The following EDARADD variants were observed in gnomAD, a reference collection of about 807,000 sequenced individuals.
EDARADD encodes EDAR associated via death domain.
A neutral mutation model predicts 25.6 loss-of-function variants in EDARADD; 20 were observed. The observed-to-expected ratio is 0.78, with a 90% CI of 0.55 to 1.14. The LOEUF (loss-of-function observed/expected upper bound fraction) is 1.14. Among genes scored for constraint, EDARADD ranks in the 50% most tolerant of loss-of-function variants. EDARADD has a pLI of 0.00. For missense variants in EDARADD, 225 were observed against 270.1 expected (o/e 0.83, Z 1.17); for synonymous variants, 86 against 94.4 (o/e 0.91, Z 0.52).
At chr1:236,377,821 G>A (rs1326067844) in intron 3 of EDARADD, among the ~76,000 whole-genome samples, 3 of 151,730 alleles carry the variant, frequency 2.0e-5, no homozygotes, top group East Asian at 1.9e-4. Context: ...TCGTGCCACT[G>A]CACTCCAGCC....
intron 3 of EDARADD, among the ~76,000 whole-genome samples, chr1:236,359,153 G>A (rs919581007): frequency 9.9e-5 from 15 of 152,064 alleles, no homozygotes; most frequent in Admixed American, 9.8e-4. Flanking sequence ...GTCCTACTAG[G>A]ATCCCTTTCC....
At chr1:236,482,102 G>A (rs1422954855) in intron 5 of EDARADD, among the ~76,000 whole-genome samples, 165 bp from the exon 6 acceptor site, 3 of 142,796 alleles carry the variant, frequency 2.1e-5, no homozygotes, top group Admixed American at 7.1e-5. Context: ...GCGAAAGAGC[G>A]AGACTCCATC....
chr1:236,483,351 T>C lies in EDARADD; in HGVS notation c.*702T>C, dbSNP rs1659735542. 1 of 1,567,188 alleles carries C rather than the reference T, an allele frequency of 6.4e-7. No homozygotes were observed. The highest frequency in any genetic ancestry group is 8.8e-7 in the Non-Finnish European group (1 of 1,140,292). On this transcript the variant is annotated 3_prime_UTR_variant, in exon 6 of 6. Coordinates refer to ENST00000334232, the MANE Select transcript of EDARADD (RefSeq NM_145861.4). ...GACTCGCTATATGGGGAAGGGTGTCTCAAAGCCTGTTGAGCCCATCAATAA... is the reference window on the plus strand; with the variant it reads ...GACTCGCTATATGGGGAAGGGTGTCCCAAAGCCTGTTGAGCCCATCAATAA...
intron 2 of EDARADD, among the ~76,000 whole-genome samples, chr1:236,411,447 C>T (rs1272860): frequency 0.45 from 68,809 of 151,876 alleles, 17,721 homozygotes; most frequent in Non-Finnish European, 0.59. Context: ...TTCTCTCACT[C>T]GTTAGCACAT....
Position 236,482,581 on chromosome 1 carries a change from G to A in EDARADD, c.580G>A (p.Val194Ile), listed in dbSNP as rs928145231. ...RLYHRADVEKVLRRWVDEEWP... is the reference protein window; with the variant it reads ...RLYHRADVEKILRRWVDEEWP... ...CTACCACAGGGCCGACGTGGAGAAG[G>A]TTCTGCGCAGGTGGGTGGACGAGGA... is the stretch of plus-strand genomic sequence containing the variant. The change falls in exon 6 of 6, where the codon GTT (valine) becomes ATT (isoleucine). Residue 194 changes from valine to isoleucine, a missense_variant. Transcript: ENST00000334232. 1 of 1,613,334 alleles carries A rather than the reference G, an allele frequency of 6.2e-7. No homozygotes were observed.
Position 236,395,527 on chromosome 1 carries a change from G to T in EDARADD, c.61+1022G>T. On this transcript the variant is annotated intron_variant, in intron 1 of 5. Transcript: ENST00000334232. This position sits in a 1 kb window ranked among gnomAD's most constrained non-coding sequence, Gnocchi z 6.9. Reference sequence around the variant, plus strand: ...CAGAGCCACGGTTTGCTCCAGGCGCGTCGGAACCGCAGGACTTTTCATCCC... The same window carrying T: ...CAGAGCCACGGTTTGCTCCAGGCGCTTCGGAACCGCAGGACTTTTCATCCC... The T allele has an allele frequency of 6.5e-7, 1 of 1,535,422 alleles. No homozygotes were observed. Among genetic ancestry groups the T allele is most frequent in the African/African-American group, 1.4e-5 (1 of 72,842 alleles).
Position 236,484,240 on chromosome 1 carries a change from T to A in EDARADD, c.*1591T>A. The A allele has an allele frequency of 1.0e-6, 1 of 974,352 alleles. No homozygotes were observed. The highest frequency in any genetic ancestry group is 1.7e-6 in the Non-Finnish European group (1 of 597,262). The allele number at this position is 974,352 out of a possible 1,614,324, so 60.4% of individuals were successfully genotyped here. A position where few individuals can be genotyped will look rare whatever the true frequency, so the allele number is the denominator to read the frequency against. On this transcript the variant is annotated 3_prime_UTR_variant, in exon 6 of 6. Transcript: ENST00000334232. The surrounding 1 kb of genome is among the most constrained non-coding windows in gnomAD (Gnocchi z 4.1). ...ACTGAGTCCCTTCAGGCGTGCAAGC[T>A]GGCCCAGGCCAATGGTTGGTGTGTC...
intron 3 of EDARADD, among the ~76,000 whole-genome samples, chr1:236,367,861 C>A (rs1667129281): frequency 1.3e-5 from 2 of 152,156 alleles, no homozygotes; most frequent in African/African-American, 4.8e-5. Flanking sequence ...GTAATTCTAG[C>A]ACTTTGGGAG....
chr1:236,481,221 G>A (rs968681154), intron 5 of EDARADD, among the ~76,000 whole-genome samples: 37 of 152,260 alleles, frequency 2.4e-4, no homozygotes, highest in African/African-American at 8.7e-4. Context: ...GCTGTGTTTG[G>A]TGTTAAACTG....
intron 5 of EDARADD, among the ~76,000 whole-genome samples, chr1:236,480,497 A>G (rs1346910202): frequency 6.6e-6 from 1 of 152,024 alleles, no homozygotes; most frequent in Non-Finnish European, 1.5e-5. Flanking sequence ...TTTAATTTCC[A>G]CTTGCCTCAA....
At chr1:236,373,147 C>G (rs561336274) in intron 3 of EDARADD, among the ~76,000 whole-genome samples, 21 of 151,890 alleles carry the variant, frequency 1.4e-4, no homozygotes, top group African/African-American at 4.8e-4. Context: ...GATCTCCTGA[C>G]CTTGTGATCC....
chr1:236,422,922 T>C (rs1032633810), intron 3 of EDARADD, among the ~76,000 whole-genome samples: 6 of 152,210 alleles, frequency 3.9e-5, no homozygotes, highest in African/African-American at 1.4e-4. Flanking sequence ...TCACAGCTAG[T>C]GTTTAATGAC....
intron 2 of EDARADD, among the ~76,000 whole-genome samples, chr1:236,410,407 G>A (rs77778328): frequency 6.6e-6 from 1 of 152,096 alleles, no homozygotes; most frequent in African/African-American, 2.4e-5. Flanking sequence ...GCATCCATGT[G>A]GCTGCAAAGG....
chr1:236,349,836 G>GCGCGGTGGCTCACGCCTGTATT (rs1383485348), intron 2 of EDARADD, among the ~76,000 whole-genome samples: 1 of 152,200 alleles, frequency 6.6e-6, no homozygotes, highest in Non-Finnish European at 1.5e-5. Flanking sequence ...GTGGTGGCAG[G>GCGCGGTGGCTCACGCCTGTATT]CGCGGTGGCT....
intron 4 of EDARADD, among the ~76,000 whole-genome samples, chr1:236,441,537 T>G (rs556746282): frequency 6.7e-6 from 1 of 148,160 alleles, no homozygotes; most frequent in Non-Finnish European, 1.5e-5. Flanking sequence ...ATATATATAT[T>G]TTTTGAGATG....
chr1:236,418,851 G>T (rs948714199), intron 3 of EDARADD, among the ~76,000 whole-genome samples: 1 of 152,078 alleles, frequency 6.6e-6, no homozygotes, highest in Non-Finnish European at 1.5e-5. Flanking sequence ...CCTCCCACCT[G>T]TGTGGTTTGC....
chr1:236,409,564 C>T lies in EDARADD; in HGVS notation c.120+290C>T, dbSNP rs115422987. Among the ~76,000 whole-genome samples the T allele has an allele frequency of 2.4e-3, 363 of 151,696 alleles. 4 individuals are homozygous for T. The highest frequency in any genetic ancestry group is 8.4e-3 in the African/African-American group (348 of 41,352). On this transcript the variant is annotated intron_variant, in intron 2 of 5. Transcript: ENST00000334232. ...CCTGGTTTTTTTTTATTTCATTTTT[C>T]ATTTTTATTTTTTTTTAGACGGAGT...
chr1:236,353,402 C>T (rs958796738), intron 3 of EDARADD, among the ~76,000 whole-genome samples: 8 of 152,120 alleles, frequency 5.3e-5, no homozygotes, highest in African/African-American at 1.9e-4. Context: ...TGTTGGACAG[C>T]CAGGCGCGGT....
At chr1:236,475,527 G>A (rs1480280326) in intron 5 of EDARADD, among the ~76,000 whole-genome samples, 1 of 152,200 alleles carries the variant, frequency 6.6e-6, no homozygotes, top group East Asian at 1.9e-4. Flanking sequence ...CGTTTTGGGA[G>A]GCTGAGGTGG....
Sources: gnomAD v4.1 joint callset for allele counts (sites outside exome capture counted in the v4.1 genomes callset) on GRCh38, gnomAD v4.1.1 for gene constraint, Gnocchi (gnomAD v3.1) non-coding constraint, MANE v1.5 for transcripts, NCBI Gene and HGNC (gene_info 2026-07-23, HGNC 2026-07-21) for gene names.